The following TMEM184B variants were observed in gnomAD, a reference collection of about 807,000 sequenced individuals.
The protein encoded by TMEM184B is transmembrane protein 184B, also known as putative MAPK-activating protein FM08.
TMEM184B carries 17 observed loss-of-function variants against 41.8 expected under a neutral mutation model. The ratio of observed to expected loss-of-function variants is 0.41; its 90% CI spans 0.28 to 0.61. TMEM184B has a LOEUF of 0.61. TMEM184B is among the 20% of genes least tolerant of loss of function. The pLI is 0.34. For synonymous variants in TMEM184B, 240 were observed against 229.5 expected (o/e 1.05, Z -0.41); for missense variants, 393 against 557.8 (o/e 0.70, Z 2.98).
At chr22:38,255,884 TG>T (rs1386566530) in intron 1 of TMEM184B, among the ~76,000 whole-genome samples, 1 of 152,130 alleles carries the variant, frequency 6.6e-6, no homozygotes, top group Non-Finnish European at 1.5e-5. Context: ...CGATGATGGG[TG>T]GGGGTGTGTA....
In TMEM184B at chr22:38,220,787, G is replaced by A. The variant is rs548924672; in HGVS notation, c.*682C>T. On this transcript the variant is annotated 3_prime_UTR_variant, in exon 9 of 9. Transcript: ENST00000361906. ...ATGAGGCAGGCAGAGGTGTGGCCAC[G>A]ACAGGTGGGGATACCCAGGGGCCCA... 3.2e-5 allele frequency: 32 copies of A among 986,114 alleles called. No homozygotes were observed. Among genetic ancestry groups the A allele is most frequent in the African/African-American group, 1.2e-4 (7 of 57,380 alleles). The allele number at this position is 986,114 out of a possible 1,614,324, so 61.1% of individuals were successfully genotyped here.
intron 8 of TMEM184B, 70 bp from the exon 9 acceptor site, chr22:38,221,780 G>A: frequency 6.3e-7 from 1 of 1,575,598 alleles, no homozygotes; most frequent in Admixed American, 1.7e-5. Context: ...CTCAGCCCCT[G>A]CCCGTGATCC....
intron 5 of TMEM184B, among the ~76,000 whole-genome samples, chr22:38,230,285 G>A (rs922113606): frequency 1.3e-5 from 2 of 152,246 alleles, no homozygotes; most frequent in Non-Finnish European, 2.9e-5. Context: ...AGACGGCAGA[G>A]GCCTGTTCTG....
chr22:38,217,344 C>A (rs796340097), downstream of TMEM184B, among the ~76,000 whole-genome samples: 538 of 42,364 alleles, frequency 0.013, 63 homozygotes, highest in African/African-American at 0.081. Context: ...ACAACAACAA[C>A]AAAAAAAAAA....
At chr22:38,258,122 T>C (rs2092313699) in intron 1 of TMEM184B, among the ~76,000 whole-genome samples, 1 of 152,174 alleles carries the variant, frequency 6.6e-6, no homozygotes, top group African/African-American at 2.4e-5. Flanking sequence ...GTCTGCACTT[T>C]GTCCCAGGCT....
chr22:38,221,613 G>A lies in TMEM184B; in HGVS notation c.1080C>T (p.Ala360=), dbSNP rs1394494384. 1 of 1,614,156 alleles carries A rather than the reference G, an allele frequency of 6.2e-7. No homozygotes were observed. The highest frequency in any genetic ancestry group is 8.5e-7 in the Non-Finnish European group (1 of 1,180,002). ...VQDAIHNFSP[A]YQQYTQQSTL... ...TGGACTGCTGCGTGTACTGCTGGTAGGCAGGTGAGAAGTTGTGGATGGCGT... is the reference window on the plus strand; with the variant it reads ...TGGACTGCTGCGTGTACTGCTGGTAAGCAGGTGAGAAGTTGTGGATGGCGT... The change falls in exon 9 of 9, where the codon GCC becomes GCT. Residue 360 remains alanine, a synonymous_variant. Transcript: ENST00000361906.
rs145595103 is a variant in TMEM184B at position 38,268,808 on chromosome 22, G to A, written c.-59+4076C>T. On this transcript the variant is annotated intron_variant, in intron 1 of 8. Transcript: ENST00000361906. ...GCCCCCAGGACAATCATAATTGCTT[G>A]TGTGTCTGATTTCTCTCTCCCCAGC... Among the ~76,000 whole-genome samples the A allele has an allele frequency of 1.4e-4, 21 of 152,374 alleles. No homozygotes were observed. The East Asian group carries it at 4.0e-3, about 29-fold the overall frequency.
At chr22:38,233,907 T>C (rs2091702220) in intron 3 of TMEM184B, among the ~76,000 whole-genome samples, 1 of 152,078 alleles carries the variant, frequency 6.6e-6, no homozygotes. Context: ...GTAACTGGGA[T>C]TACAGGCGCA....
intron 1 of TMEM184B, among the ~76,000 whole-genome samples, chr22:38,254,170 C>G (rs2092230562): frequency 1.3e-5 from 2 of 150,104 alleles, no homozygotes; most frequent in Non-Finnish European, 3.0e-5. Context: ...CATTGCACTC[C>G]CGCCCTTAGG....
At chr22:38,227,227 G>A (rs1313088101) in intron 5 of TMEM184B, among the ~76,000 whole-genome samples, 1 of 152,138 alleles carries the variant, frequency 6.6e-6, no homozygotes, top group Non-Finnish European at 1.5e-5. Flanking sequence ...AGGGCACGAT[G>A]GAGGCGGGAG....
intron 1 of TMEM184B, among the ~76,000 whole-genome samples, chr22:38,261,324 G>A (rs1431675059): frequency 6.6e-6 from 1 of 152,154 alleles, no homozygotes; most frequent in South Asian, 2.1e-4. Context: ...GCCCTCACAA[G>A]GGGTCAGGGG....
At chr22:38,218,810 C>G (rs1484147747), downstream of TMEM184B, among the ~76,000 whole-genome samples, 2 of 152,218 alleles carry the variant, frequency 1.3e-5, no homozygotes, top group African/African-American at 2.4e-5. Flanking sequence ...GTGCTCCCGT[C>G]AGCAGCAAGC....
intron 3 of TMEM184B, among the ~76,000 whole-genome samples, chr22:38,245,320 C>G (rs2091999375): frequency 6.6e-6 from 1 of 151,526 alleles, no homozygotes; most frequent in African/African-American, 2.4e-5. Context: ...TTCCAGGTAC[C>G]TGCCTGAGAC....
Position 38,224,787 on chromosome 22 carries a change from T to G in TMEM184B, c.980A>C (p.Gln327Pro), listed in dbSNP as rs541727528. ...TCGCCTAGGACCCTGGCTCATACCT[T>G]GTGCGTCCAGCCTCTTGTCAGCATA... ...KVYADKRLDAQGRCAPMKSIS... is the reference protein window; with the variant it reads ...KVYADKRLDAPGRCAPMKSIS... Residue 327 changes from glutamine (Q) to proline (P), a missense_variant and splice_region_variant, in exon 8 of 9, where the codon CAA (glutamine) becomes CCA (proline). Gln to Pro is a moderately conservative substitution (Grantham distance 76). Coordinates refer to ENST00000361906, the MANE Select transcript of TMEM184B (RefSeq NM_012264.5). 2 of 1,595,366 alleles carry G rather than the reference T, an allele frequency of 1.3e-6. No individual in the cohort carries two copies. The highest frequency in any genetic ancestry group is 1.7e-5 in the Admixed American group (1 of 58,756).
intron 3 of TMEM184B, among the ~76,000 whole-genome samples, chr22:38,241,527 A>C (rs1317196762): frequency 7.1e-6 from 1 of 140,556 alleles, no homozygotes; most frequent in Non-Finnish European, 1.6e-5. Flanking sequence ...ATCTCTACAA[A>C]AAAAAAAAAA....
At chr22:38,216,904 C>T (rs1267910369), downstream of TMEM184B, among the ~76,000 whole-genome samples, 1 of 152,030 alleles carries the variant, frequency 6.6e-6, no homozygotes, top group African/African-American at 2.4e-5. Context: ...TAATTAGCCA[C>T]ATGTGGTGGT....
At chr22:38,251,357 A>C (rs2145716787) in intron 1 of TMEM184B, among the ~76,000 whole-genome samples, 1 of 152,356 alleles carries the variant, frequency 6.6e-6, no homozygotes, top group Middle Eastern at 3.4e-3. Flanking sequence ...AAAACGATGC[A>C]GAACTTGGTT....
intron 1 of TMEM184B, among the ~76,000 whole-genome samples, chr22:38,267,038 G>A (rs1341481965): frequency 1.3e-5 from 2 of 149,988 alleles, no homozygotes; most frequent in Admixed American, 6.7e-5. Flanking sequence ...AGCCGAAATC[G>A]CACCACTGCA....
At chr22:38,234,864 G>A (rs1415309961) in intron 3 of TMEM184B, among the ~76,000 whole-genome samples, 1 of 152,190 alleles carries the variant, frequency 6.6e-6, no homozygotes, top group Admixed American at 6.5e-5. Flanking sequence ...TGTGGCCTCA[G>A]GCAAGTGTCT....
Sources: gnomAD v4.1 joint callset for allele counts (sites outside exome capture counted in the v4.1 genomes callset) on GRCh38, gnomAD v4.1.1 for gene constraint, MANE v1.5 for transcripts, NCBI Gene and HGNC (gene_info 2026-07-23, HGNC 2026-07-21) for gene names.